Variants in ITPR2 observed in about 807,000 individuals in gnomAD.
ITPR2 encodes the protein inositol 1,4,5-trisphosphate-gated calcium channel ITPR2.
In ITPR2, 207 loss-of-function variants were observed where a neutral mutation model predicts 317.1. That is an observed-to-expected ratio of 0.65 (90% confidence interval 0.58 to 0.73). ITPR2 has a LOEUF of 0.73. Among genes scored for constraint, ITPR2 ranks in the 30% least tolerant of loss-of-function variants. ITPR2 has a pLI of 0.00. For missense variants in ITPR2, 2,613 were observed against 3,284.0 expected (o/e 0.80, Z 4.99); for synonymous variants, 1,156 against 1,149.1 (o/e 1.01, Z -0.12).
chr12:26,499,696 T>C (rs984212413), intron 37 of ITPR2, among the ~76,000 whole-genome samples: 2 of 152,220 alleles, frequency 1.3e-5, no homozygotes, highest in Admixed American at 1.3e-4. Flanking sequence ...GCAGACACTT[T>C]CTTATGTTAT....
In ITPR2 at chr12:26,700,576, G is replaced by A. The variant is rs573424784; in HGVS notation, c.952-4926C>T. On this transcript the variant is annotated intron_variant, in intron 9 of 56. Coordinates refer to ENST00000381340, the MANE Select transcript of ITPR2 (RefSeq NM_002223.4). ...ACAGGTCTGAGGGCTCCAGAGCCAC[G>A]TCTTTCAGTTCCTGTAGCACGCTGC... 5.9e-5 allele frequency among the ~76,000 whole-genome samples: 9 copies of A among 152,302 alleles called. No individual in the cohort carries two copies. The East Asian group carries it at 1.2e-3, about 20-fold the overall frequency.
intron 10 of ITPR2, among the ~76,000 whole-genome samples, chr12:26,689,748 T>C (rs1251779808): frequency 6.6e-6 from 1 of 152,092 alleles, no homozygotes; most frequent in Non-Finnish European, 1.5e-5. Context: ...CATGTGCAAG[T>C]AGGAATTCCT....
rs1021562229 is a variant in ITPR2 at position 26,831,937 on chromosome 12, C to T, written c.92+753G>A. On this transcript the variant is annotated intron_variant, in intron 1 of 56. Transcript: ENST00000381340. The surrounding 1 kb of genome is among the most constrained non-coding windows in gnomAD (Gnocchi z 4.9). ...TATGTGTATATATATATATATTTTT[C>T]CCCCCATTCAACTCGAATCTCAAGA... Among the ~76,000 whole-genome samples, 3 of 148,986 alleles carry T rather than the reference C, an allele frequency of 2.0e-5. No individual in the cohort carries two copies. The highest frequency in any genetic ancestry group is 6.8e-5 in the Admixed American group (1 of 14,774).
intron 55 of ITPR2, among the ~76,000 whole-genome samples, chr12:26,351,561 G>T (rs1178448945): frequency 6.6e-6 from 1 of 152,170 alleles, no homozygotes; most frequent in African/African-American, 2.4e-5. Context: ...GATTGAGGTA[G>T]GAGGACTGCT....
chr12:26,830,162 CCA>C (rs1951078360), intron 1 of ITPR2, among the ~76,000 whole-genome samples: 1 of 152,230 alleles, frequency 6.6e-6, no homozygotes, highest in South Asian at 2.1e-4. Context: ...CCTTGGCCTC[CCA>C]AAGTGCTGGG....
intron 55 of ITPR2, among the ~76,000 whole-genome samples, chr12:26,373,195 C>T (rs561498397): frequency 6.6e-6 from 1 of 152,258 alleles, no homozygotes; most frequent in Non-Finnish European, 1.5e-5. Context: ...CATTAATATA[C>T]CCACAACTTC....
At position 26,686,593 on chromosome 12, in the gene ITPR2, C is replaced by A; in HGVS notation, c.1036G>T (p.Ala346Ser). 2 of 1,611,004 alleles carry A rather than the reference C, an allele frequency of 1.2e-6. No individual in the cohort carries two copies. The highest frequency in any genetic ancestry group is 1.1e-5 in the South Asian group (1 of 90,640). ...AAAGTATACATGATCTTCTCCCCTG[C>A]CTGGCGTTTTTTCTTTGAAGTTGGA... ...VPPTSKKKRQ[A>S]GEKIMYTLVS... The change falls in exon 11 of 57, where the codon GCA becomes TCA. Residue 346 changes from alanine to serine, a missense_variant. Ala to Ser is a moderately conservative substitution (Grantham distance 99). Around this residue, in one of 9 missense-constraint regions of ITPR2, gnomAD observed 515 missense variants for 789.4 expected, o/e 0.65. Coordinates refer to ENST00000381340, the MANE Select transcript of ITPR2 (RefSeq NM_002223.4).
chr12:26,392,626 T>C (rs1444815665), intron 54 of ITPR2, among the ~76,000 whole-genome samples: 1 of 152,120 alleles, frequency 6.6e-6, no homozygotes, highest in Non-Finnish European at 1.5e-5. Context: ...ATTAAATAAA[T>C]GAATAAGAGA....
chr12:26,605,127 AT>A (rs1274949492), intron 26 of ITPR2, among the ~76,000 whole-genome samples: 10 of 69,650 alleles, frequency 1.4e-4, no homozygotes, highest in Admixed American at 7.5e-4. Context: ...AAAAATAAAA[AT>A]ATATATATAT....
intron 37 of ITPR2, among the ~76,000 whole-genome samples, chr12:26,512,875 T>A (rs545061077): frequency 2.7e-5 from 4 of 148,614 alleles, no homozygotes; most frequent in African/African-American, 1.0e-4. Context: ...CAGGCTAGAG[T>A]GCAGTGGCGC....
chr12:26,740,697 T>C (rs1949215756), intron 2 of ITPR2, among the ~76,000 whole-genome samples: 2 of 152,238 alleles, frequency 1.3e-5, no homozygotes, highest in African/African-American at 4.8e-5. Flanking sequence ...CTTTGTATGT[T>C]TTATTACTTC....
intron 55 of ITPR2, among the ~76,000 whole-genome samples, chr12:26,366,326 C>T (rs563221477): frequency 2.6e-5 from 4 of 152,194 alleles, no homozygotes; most frequent in African/African-American, 9.6e-5. Flanking sequence ...AAACCTTTGC[C>T]AACAATTCTT....
At chr12:26,605,003 G>A (rs1447538514) in intron 26 of ITPR2, among the ~76,000 whole-genome samples, 3 of 150,976 alleles carry the variant, frequency 2.0e-5, no homozygotes, top group East Asian at 2.0e-4. Flanking sequence ...CAGGAGAATC[G>A]CTTGAACCTG....
At chr12:26,457,342 T>A (rs1421193214) in intron 45 of ITPR2, among the ~76,000 whole-genome samples, 1 of 152,062 alleles carries the variant, frequency 6.6e-6, no homozygotes, top group Non-Finnish European at 1.5e-5. Context: ...TTGAGCAGAA[T>A]AAGTAAAGAC....
intron 45 of ITPR2, among the ~76,000 whole-genome samples, chr12:26,471,988 C>T (rs1444747363): frequency 6.6e-6 from 1 of 152,172 alleles, no homozygotes; most frequent in Non-Finnish European, 1.5e-5. Flanking sequence ...GATTGGCCTG[C>T]TAAGAAACCA....
chr12:26,523,647 C>G (rs1439841564), intron 37 of ITPR2, among the ~76,000 whole-genome samples: 1 of 152,080 alleles, frequency 6.6e-6, no homozygotes, highest in Non-Finnish European at 1.5e-5. Context: ...TTAAACTCAG[C>G]TCTTCAGGGG....
At position 26,767,595 on chromosome 12, in the gene ITPR2, GAGAC is replaced by G. The variant is rs558350956; in HGVS notation, c.163+22558_163+22561del. Among the ~76,000 whole-genome samples, 40 of 152,254 alleles carry G rather than the reference GAGAC, an allele frequency of 2.6e-4. 1 individual carries two copies. In the South Asian group the frequency reaches 6.8e-3, roughly 26 times the overall value. On this transcript the variant is annotated intron_variant, in intron 2 of 56. Transcript: ENST00000381340. The stretch of plus-strand genomic sequence containing the variant: ...TATCATTTTGTTATGTATCTTTAGA[GAGAC>G]AGACAAATTTGCCAAAGTGTACACT...
chr12:26,419,118 G>C lies in ITPR2; in HGVS notation c.7041C>G (p.Leu2347=). Residue 2347 remains leucine, a synonymous_variant, in exon 50 of 57, where the codon CTC becomes CTG. Transcript: ENST00000381340. ...AAACCAGGACATACGCCACGTGATA[G>C]AGAAAGGCCATATCCAGGATGACTG... The part of the protein sequence containing the change: ...YRAVILDMAF[L]YHVAYVLVCM... The C allele has an allele frequency of 6.2e-7, 1 of 1,613,866 alleles. No homozygotes were observed. The highest frequency in any genetic ancestry group is 2.2e-5 in the East Asian group (1 of 44,872).
intron 32 of ITPR2, among the ~76,000 whole-genome samples, chr12:26,593,009 T>C (rs1465863506): frequency 1.3e-5 from 2 of 152,232 alleles, no homozygotes; most frequent in African/African-American, 2.4e-5. Context: ...GAATTTATTG[T>C]ATTCATTTTA....
Sources: gnomAD v4.1 joint callset for allele counts (sites outside exome capture counted in the v4.1 genomes callset) on GRCh38, gnomAD v4.1.1 for gene constraint, gnomAD v4.1.1 regional missense constraint, Gnocchi (gnomAD v3.1) non-coding constraint, MANE v1.5 for transcripts, NCBI Gene and HGNC (gene_info 2026-07-23, HGNC 2026-07-21) for gene names.